Variants in HTR1E observed in about 807,000 individuals in gnomAD.
The protein encoded by HTR1E is 5-hydroxytryptamine receptor 1E, also known as 5-HT-1E.
A neutral mutation model predicts 3.4 loss-of-function variants in HTR1E; 3 were observed. The ratio of observed to expected loss-of-function variants is 0.89; its 90% CI spans 0.41 to 2.31. The LOEUF (loss-of-function observed/expected upper bound fraction) is 2.31, where lower values mean the gene tolerates loss of function less well. Ranked by LOEUF, HTR1E falls within the 30% of genes most tolerant of loss-of-function variation. The probability of loss-of-function intolerance (pLI) is 0.05; values close to 1 mark genes in which losing one functional copy is unlikely to be tolerated. For synonymous variants in HTR1E, 170 were observed against 182.8 expected, an observed-to-expected ratio of 0.93 and a Z score of 0.56; for missense variants, 392 against 467.0, an observed-to-expected ratio of 0.84 and a Z score of 1.48.
chr6:86,993,207 A>T (rs753061569), intron 1 of HTR1E, among the ~76,000 whole-genome samples: 3 of 152,092 alleles, frequency 2.0e-5, no homozygotes, highest in Non-Finnish European at 4.4e-5. Context: ...AGTATATAAG[A>T]ACTCTCTGTA....
chr6:86,969,987 G>A (rs1767526797), intron 1 of HTR1E, among the ~76,000 whole-genome samples: 2 of 152,336 alleles, frequency 1.3e-5, no homozygotes, highest in Non-Finnish European at 2.9e-5. Context: ...AAAGCCATCT[G>A]AAGCCCTGGA....
intron 1 of HTR1E, among the ~76,000 whole-genome samples, chr6:86,978,152 T>C (rs1311501540): frequency 6.6e-6 from 1 of 152,210 alleles, no homozygotes; most frequent in Non-Finnish European, 1.5e-5. Context: ...GTAGGGCACA[T>C]TAGTTACTTT....
At chr6:86,939,123 G>C (rs828359) in intron 1 of HTR1E, among the ~76,000 whole-genome samples, 9,205 of 152,210 alleles carry the variant, frequency 0.06, 500 homozygotes, top group Admixed American at 0.18. Flanking sequence ...AATTAAATGA[G>C]ATGACCCTGT....
intron 1 of HTR1E, among the ~76,000 whole-genome samples, chr6:87,013,828 C>T (rs112298040): frequency 0.017 from 2,656 of 151,934 alleles, 81 homozygotes; most frequent in African/African-American, 0.059. Flanking sequence ...AAAAAGTGGG[C>T]GAAGGATATG....
intron 1 of HTR1E, among the ~76,000 whole-genome samples, chr6:86,982,626 CA>C (rs1439779866): frequency 6.6e-6 from 1 of 152,110 alleles, no homozygotes; most frequent in Non-Finnish European, 1.5e-5. Flanking sequence ...CTCTTCCAGA[CA>C]AAAGATCTTT....
At chr6:86,956,942 G>A (rs923599743) in intron 1 of HTR1E, among the ~76,000 whole-genome samples, 2 of 152,158 alleles carry the variant, frequency 1.3e-5, no homozygotes, top group African/African-American at 4.8e-5. Context: ...CATGCTAGAA[G>A]ACTATAAGGT....
rs140968188 is a variant in HTR1E at position 87,016,408 on chromosome 6, C to A, written c.1074C>A (p.Leu358=). The change falls in exon 2 of 2, where the codon CTC becomes CTA. Residue 358 remains leucine (L), a synonymous_variant. Coordinates refer to ENST00000305344, the MANE Select transcript of HTR1E (RefSeq NM_000865.3). ...ACTTTAAGCTGGCTTTTAAAAAGCT[C>A]ATTAGATGCCGAGAGCATACTTAGA... The part of the protein sequence containing the change: ...NEDFKLAFKK[L]IRCREHT 269 of 1,603,502 alleles carry A rather than the reference C, an allele frequency of 1.7e-4. No individual in the cohort carries two copies. In the African/African-American group the frequency reaches 3.3e-3, roughly 20 times the overall value.
chr6:87,015,299 C>G lies in HTR1E; in HGVS notation c.-36C>G, dbSNP rs1474503547. 4 of 1,465,018 alleles carry G rather than the reference C, an allele frequency of 2.7e-6. No individual in the cohort carries two copies. The African/African-American group carries it at 5.6e-5, about 21-fold the overall frequency. 90.8% of individuals were successfully genotyped at this position (1,465,018 alleles called of 1,614,324 possible). On this transcript the variant is annotated 5_prime_UTR_variant, in exon 2 of 2. Transcript: ENST00000305344. ...TTTTCAGCCAAAGGAAAATAACCAA[C>G]AGCTTCTCCACAGTGTAGACTGAAA... is the stretch of plus-strand genomic sequence containing the variant.
intron 1 of HTR1E, among the ~76,000 whole-genome samples, chr6:87,003,514 G>A (rs1470645557): frequency 2.7e-5 from 4 of 149,714 alleles, no homozygotes; most frequent in Admixed American, 2.0e-4. Flanking sequence ...ACTCCAGCCT[G>A]GGCAACAGAG....
In HTR1E at chr6:87,015,744, A is replaced by G. The variant is rs779143526; in HGVS notation, c.410A>G (p.Lys137Arg). 17 of 1,609,942 alleles carry G rather than the reference A, an allele frequency of 1.1e-5. No homozygotes were observed. The highest frequency in any genetic ancestry group is 1.4e-5 in the Non-Finnish European group (17 of 1,177,482). The change falls in exon 2 of 2, where the codon AAG (lysine) becomes AGG (arginine). Residue 137 changes from lysine (K) to arginine (R), a missense_variant. Lys to Arg is a conservative substitution (Grantham distance 26, BLOSUM62 2). Transcript: ENST00000305344. ...AIEYARKRTA[K>R]RAALMILTVW... ...GAATACGCCAGGAAGAGGACGGCCAAGAGGGCCGCGCTGATGATCCTTACC... is the reference window on the plus strand; with the variant it reads ...GAATACGCCAGGAAGAGGACGGCCAGGAGGGCCGCGCTGATGATCCTTACC...
intron 1 of HTR1E, among the ~76,000 whole-genome samples, chr6:86,967,765 C>T (rs942137392): frequency 1.3e-5 from 2 of 151,990 alleles, no homozygotes; most frequent in African/African-American, 4.8e-5. Flanking sequence ...TTTTACATTA[C>T]GAAGTGTTTT....
chr6:86,975,896 T>TTCTC (rs146571369), intron 1 of HTR1E, among the ~76,000 whole-genome samples: 2 of 130,374 alleles, frequency 1.5e-5, no homozygotes, highest in Admixed American at 7.6e-5. Flanking sequence ...CCTTCTCTCT[T>TTCTC]TCTCTCTCTC....
intron 1 of HTR1E, among the ~76,000 whole-genome samples, chr6:86,969,757 A>AC (rs1767523250): frequency 6.6e-6 from 1 of 152,104 alleles, no homozygotes; most frequent in Non-Finnish European, 1.5e-5. Flanking sequence ...CCCACACGTG[A>AC]CCTAGGCAAA....
chr6:86,987,334 A>G (rs1582273439), intron 1 of HTR1E, among the ~76,000 whole-genome samples: 1 of 152,142 alleles, frequency 6.6e-6, no homozygotes, highest in South Asian at 2.1e-4. Flanking sequence ...AAGGCACACA[A>G]GTCTTAAAAC....
At chr6:87,003,372 T>C (rs958260894) in intron 1 of HTR1E, among the ~76,000 whole-genome samples, 2 of 151,938 alleles carry the variant, frequency 1.3e-5, no homozygotes, top group Non-Finnish European at 2.9e-5. Flanking sequence ...ACCCCATCTC[T>C]ACTTAAAAAT....
At chr6:86,983,324 T>A (rs1208141539) in intron 1 of HTR1E, among the ~76,000 whole-genome samples, 1 of 152,208 alleles carries the variant, frequency 6.6e-6, no homozygotes, top group Non-Finnish European at 1.5e-5. Flanking sequence ...TATCACTATC[T>A]TCTGATCATG....
intron 1 of HTR1E, chr6:86,971,235 A>T: frequency 3.0e-6 from 1 of 331,322 alleles, no homozygotes; most frequent in South Asian, 2.9e-5. Context: ...CCATTAGTAA[A>T]CAGTAACTGT....
At chr6:86,944,871 T>TA (rs1216129110) in intron 1 of HTR1E, among the ~76,000 whole-genome samples, 2 of 152,248 alleles carry the variant, frequency 1.3e-5, no homozygotes, top group African/African-American at 4.8e-5. Flanking sequence ...GAGGCTGGTG[T>TA]AAGCAAACCT....
intron 1 of HTR1E, among the ~76,000 whole-genome samples, chr6:87,005,740 C>G (rs1208120082): frequency 6.6e-6 from 1 of 152,054 alleles, no homozygotes; most frequent in East Asian, 1.9e-4. Context: ...CAAATTGGAT[C>G]TTGTCACATT....
Sources: gnomAD v4.1 joint callset for allele counts (sites outside exome capture counted in the v4.1 genomes callset) on GRCh38, gnomAD v4.1.1 for gene constraint, MANE v1.5 for transcripts, NCBI Gene and HGNC (gene_info 2026-07-23, HGNC 2026-07-21) for gene names.